CACNA2D3: variants seen among roughly 807,000 people sequenced by gnomAD.
CACNA2D3 encodes voltage-dependent calcium channel subunit alpha-2/delta-3.
CACNA2D3 carries 60 observed loss-of-function variants against 160.6 expected under a neutral mutation model. The observed-to-expected ratio is 0.37, with a 90% CI of 0.30 to 0.46. CACNA2D3 has a LOEUF of 0.46. Ranked by LOEUF, CACNA2D3 falls within the 20% of genes least tolerant of loss-of-function variation. CACNA2D3 has a pLI of 1.00. For synonymous variants in CACNA2D3, 558 were observed against 492.9 expected, an observed-to-expected ratio of 1.13 and a Z score of -1.75; for missense variants, 1,205 against 1,365.0, an observed-to-expected ratio of 0.88 and a Z score of 1.85.
chr3:55,057,448 G>A (rs1704392544), intron 35 of CACNA2D3, among the ~76,000 whole-genome samples: 1 of 152,024 alleles, frequency 6.6e-6, no homozygotes, highest in Admixed American at 6.6e-5. Flanking sequence ...CAAAAAAGAG[G>A]GTTAGCAATG....
chr3:54,864,591 TCTC>T (rs1699360586), intron 17 of CACNA2D3, among the ~76,000 whole-genome samples: 1 of 152,120 alleles, frequency 6.6e-6, no homozygotes, highest in African/African-American at 2.4e-5. Context: ...TGACACTGCT[TCTC>T]CTCTCCCTGG....
intron 2 of CACNA2D3, among the ~76,000 whole-genome samples, chr3:54,318,559 T>C (rs1703919431): frequency 6.6e-6 from 1 of 152,074 alleles, no homozygotes; most frequent in Non-Finnish European, 1.5e-5. Context: ...TCCAAGCTCT[T>C]GGGTCTAATA....
chr3:54,228,814 C>G (rs146909212), intron 2 of CACNA2D3, among the ~76,000 whole-genome samples: 42 of 152,320 alleles, frequency 2.8e-4, no homozygotes, highest in African/African-American at 9.9e-4. Context: ...AGCATGGAGT[C>G]TGGGTTTTCA....
At chr3:54,729,748 C>A (rs1340886913) in intron 11 of CACNA2D3, among the ~76,000 whole-genome samples, 2 of 152,066 alleles carry the variant, frequency 1.3e-5, no homozygotes, top group Non-Finnish European at 2.9e-5. Context: ...GCCTATAATC[C>A]CAGCACTTTG....
chr3:54,489,326 C>G (rs933528833), intron 4 of CACNA2D3, among the ~76,000 whole-genome samples: 1 of 152,196 alleles, frequency 6.6e-6, no homozygotes, highest in Non-Finnish European at 1.5e-5. Context: ...ACGACTGTGT[C>G]TTCACCCTGG....
intron 11 of CACNA2D3, among the ~76,000 whole-genome samples, chr3:54,724,355 TC>T (rs1251534942): frequency 1.3e-5 from 2 of 152,114 alleles, no homozygotes; most frequent in African/African-American, 4.8e-5. Flanking sequence ...ATTAGACAGA[TC>T]AACGAGACTG....
chr3:54,289,207 A>C (rs1559910284), intron 2 of CACNA2D3, among the ~76,000 whole-genome samples: 2 of 152,178 alleles, frequency 1.3e-5, no homozygotes, highest in Non-Finnish European at 2.9e-5. Context: ...ACTTCAGCAA[A>C]GTCTCAGGAT....
chr3:54,298,734 G>T (rs183642951), intron 2 of CACNA2D3, among the ~76,000 whole-genome samples: 3 of 152,164 alleles, frequency 2.0e-5, no homozygotes, highest in African/African-American at 7.2e-5. Flanking sequence ...CCAAGCCTGG[G>T]AAGATTGAGG....
intron 11 of CACNA2D3, among the ~76,000 whole-genome samples, chr3:54,716,461 AAGG>A (rs1296920228): frequency 6.6e-6 from 1 of 152,170 alleles, no homozygotes; most frequent in East Asian, 1.9e-4. Flanking sequence ...TGCGTGTGAA[AAGG>A]AGGGGGTAGA....
At chr3:54,260,409 C>G (rs1702382377) in intron 2 of CACNA2D3, among the ~76,000 whole-genome samples, 1 of 152,208 alleles carries the variant, frequency 6.6e-6, no homozygotes, top group East Asian at 1.9e-4. Flanking sequence ...CAAGGGCCTT[C>G]TTGCTGTGTC....
chr3:54,342,889 T>G (rs1575405671), intron 3 of CACNA2D3, among the ~76,000 whole-genome samples: 1 of 152,188 alleles, frequency 6.6e-6, no homozygotes, highest in African/African-American at 2.4e-5. Context: ...CAGCCTTCTC[T>G]GAGCAGGAAG....
At chr3:54,631,340 C>T (rs1437526493) in intron 10 of CACNA2D3, among the ~76,000 whole-genome samples, 1 of 152,080 alleles carries the variant, frequency 6.6e-6, no homozygotes, top group African/African-American at 2.4e-5. Flanking sequence ...TTCATATCAT[C>T]TATTGCCAGT....
chr3:54,409,192 G>A (rs1041150673), intron 4 of CACNA2D3, among the ~76,000 whole-genome samples: 4 of 152,088 alleles, frequency 2.6e-5, no homozygotes, highest in African/African-American at 7.2e-5. Context: ...ACATGCTCAC[G>A]TCATGTCTTT....
chr3:54,412,844 T>C (rs2106731344), intron 4 of CACNA2D3, among the ~76,000 whole-genome samples: 2 of 151,922 alleles, frequency 1.3e-5, no homozygotes, highest in South Asian at 4.1e-4. Context: ...GTATTATCAT[T>C]TATCTTTTAT....
rs1478747845 is a variant in CACNA2D3 at position 54,503,751 on chromosome 3, A to AT, written c.544+105dup. ...TTGGGATATAGTTTTGGTTTGTTTC[A>AT]TTTTTTTTGAAAAGCACAGTTATAA... On this transcript the variant is annotated intron_variant, in intron 5 of 37. Coordinates refer to ENST00000474759, the MANE Select transcript of CACNA2D3 (RefSeq NM_018398.3). 5.9e-5 allele frequency: 66 copies of AT among 1,120,474 alleles called. No homozygotes were observed. In the Middle Eastern group the frequency reaches 6.0e-4, roughly 10 times the overall value. 69.4% of individuals were successfully genotyped at this position (1,120,474 alleles called of 1,614,324 possible).
intron 13 of CACNA2D3, among the ~76,000 whole-genome samples, chr3:54,787,062 T>C (rs962017363): frequency 1.3e-5 from 2 of 152,242 alleles, no homozygotes; most frequent in African/African-American, 2.4e-5. Flanking sequence ...AATTTTACCA[T>C]TCCCACATGT....
chr3:54,841,549 A>AGG (rs1698820125), intron 16 of CACNA2D3, among the ~76,000 whole-genome samples: 1 of 152,294 alleles, frequency 6.6e-6, no homozygotes, highest in African/African-American at 2.4e-5. Context: ...CATCCAGGAG[A>AGG]GGAGAGCTCC....
intron 2 of CACNA2D3, among the ~76,000 whole-genome samples, chr3:54,247,563 TTAGGAACATTGTAAATATAAAAAA>T (rs939853541): frequency 4.6e-5 from 7 of 151,858 alleles, no homozygotes; most frequent in African/African-American, 1.7e-4. Flanking sequence ...AAGGTAAACA[TTAGGAACATTGTAAATATAAAAAA>T]TAGGAACATT....
At chr3:54,710,920 A>C (rs1001766023) in intron 11 of CACNA2D3, among the ~76,000 whole-genome samples, 1 of 152,216 alleles carries the variant, frequency 6.6e-6, no homozygotes, top group Admixed American at 6.5e-5. Flanking sequence ...TCAGAGGCCC[A>C]GCTGAGGAGG....
Sources: gnomAD v4.1 joint callset for allele counts (sites outside exome capture counted in the v4.1 genomes callset) on GRCh38, gnomAD v4.1.1 for gene constraint, MANE v1.5 for transcripts, NCBI Gene and HGNC (gene_info 2026-07-23, HGNC 2026-07-21) for gene names.